The following OGFOD3 variants were observed in gnomAD, a reference collection of about 807,000 sequenced individuals.
The protein encoded by OGFOD3 is 2-oxoglutarate and iron dependent oxygenase domain containing 3.
Under a neutral mutation model 39.8 loss-of-function variants are expected in OGFOD3, and 35 were observed. That is an observed-to-expected ratio of 0.88 (90% CI 0.67 to 1.17). The LOEUF (loss-of-function observed/expected upper bound fraction) is 1.17, where lower values mean the gene tolerates loss of function less well. Ranked by LOEUF, OGFOD3 falls within the 50% of genes most tolerant of loss-of-function variation. The pLI is 0.00. For missense variants in OGFOD3, 438 were observed against 454.5 expected (o/e 0.96, Z 0.33); for synonymous variants, 200 against 192.0 (o/e 1.04, Z -0.34).
intron 8 of OGFOD3, among the ~76,000 whole-genome samples, 179 bp downstream of exon 8, chr17:82,398,017 G>T (rs114221222): frequency 6.6e-6 from 1 of 152,102 alleles, no homozygotes; most frequent in South Asian, 2.1e-4. Flanking sequence ...ATGTGGCCCC[G>T]TAGACACCAG....
rs147443905 is a variant in OGFOD3, at chr17:82,403,996, T to A, written c.640A>T (p.Ile214Leu). The A allele has an allele frequency of 1.9e-6, 3 of 1,611,148 alleles. No individual in the cohort carries two copies. The highest frequency in any genetic ancestry group is 2.5e-6 in the Non-Finnish European group (3 of 1,178,978). Residue 214 changes from isoleucine (I) to leucine (L), a missense_variant, in exon 7 of 9, where the codon ATA becomes TTA. Transcript: ENST00000313056. ...HLTKPTFFSR[I>L]NSTEARTAHD... ...GCCGTCCGCGCTTCCGTGCTGTTTA[T>A]GCGGGAGAAGAAGGTGGGCTTGGTC... is the stretch of plus-strand genomic sequence containing the variant.
At position 82,415,293 on chromosome 17, in the gene OGFOD3, T is replaced by C; in HGVS notation, c.304+105A>G. 8.7e-7 allele frequency: 1 copy of C among 1,153,520 alleles called. No homozygotes were observed. The highest frequency in any genetic ancestry group is 2.4e-5 in the East Asian group (1 of 42,174). 71.5% of individuals were successfully genotyped at this position (1,153,520 alleles called of 1,614,324 possible). A position where few individuals can be genotyped will look rare whatever the true frequency, so the allele number is the denominator to read the frequency against. ...CTGCAGGAGGGGAGAGGTTGTCTGC[T>C]ACCCCCAAGCATACCACATCCAACC... On this transcript the variant is annotated intron_variant, in intron 2 of 8. Transcript: ENST00000313056. The surrounding 1 kb of genome is among the most constrained non-coding windows in gnomAD (Gnocchi z 5.3).
At chr17:82,409,439 GT>G (rs2052909379) in intron 3 of OGFOD3, 29 bp from the exon 4 acceptor site, 7 of 1,610,756 alleles carry the variant, frequency 4.3e-6, no homozygotes, top group African/African-American at 1.3e-5. Flanking sequence ...TCAGAATTTC[GT>G]TGCTAGAATT....
chr17:82,396,255 TATG>T (rs1462121814), intron 8 of OGFOD3, among the ~76,000 whole-genome samples: 2 of 101,034 alleles, frequency 2.0e-5, no homozygotes, highest in Admixed American at 9.0e-5. Context: ...TAGACAGATG[TATG>T]ACATCAAATC....
At chr17:82,416,927 A>G (rs2053060428) in intron 1 of OGFOD3, among the ~76,000 whole-genome samples, 1 of 152,152 alleles carries the variant, frequency 6.6e-6, no homozygotes, top group African/African-American at 2.4e-5. Context: ...TAACCGCCTC[A>G]GCCTCCCAAG....
chr17:82,403,899 TCCACGGGCACGCTCACCCTGC>T lies in OGFOD3; in HGVS notation c.699+17_699+37del, dbSNP rs1272198600. 7.7e-6 allele frequency: 12 copies of T among 1,554,636 alleles called. No individual in the cohort carries two copies. The highest frequency in any genetic ancestry group is 1.9e-4 in the Middle Eastern group (1 of 5,194). On this transcript the variant is annotated intron_variant, in intron 7 of 8. Coordinates refer to ENST00000313056, the MANE Select transcript of OGFOD3 (RefSeq NM_024648.3). ...CGTGCCCACGGGCACGCTCACCTTG[TCCACGGGCACGCTCACCCTGC>T]CCACGGGCGCGCTCACCTTGTCCAC... is the stretch of plus-strand genomic sequence containing the variant.
rs1452066830 is a variant in OGFOD3 at position 82,404,286 on chromosome 17, C to G, written c.546-196G>C. Among the ~76,000 whole-genome samples the G allele has an allele frequency of 6.6e-6, 1 of 152,190 alleles. No homozygotes were observed. The highest frequency in any genetic ancestry group is 2.4e-5 in the African/African-American group (1 of 41,450). Reference sequence around the variant, plus strand: ...GGCCCACAGCCCACGCACAGAGCAGCCAGAGGCAGGCGCAAGACCACAGCA... The same window carrying G: ...GGCCCACAGCCCACGCACAGAGCAGGCAGAGGCAGGCGCAAGACCACAGCA... On this transcript the variant is annotated intron_variant, in intron 6 of 8. Coordinates refer to ENST00000313056, the MANE Select transcript of OGFOD3 (RefSeq NM_024648.3). This position sits in a 1 kb window ranked among gnomAD's most constrained non-coding sequence, Gnocchi z 4.5.
chr17:82,417,388 G>A (rs2053076984), intron 1 of OGFOD3: 1 of 152,170 alleles, frequency 6.6e-6, no homozygotes, highest in Non-Finnish European at 1.5e-5. Context: ...GGAGGCTGAG[G>A]CGGGCGGATT....
At chr17:82,410,402 A>T (rs1163561266) in intron 3 of OGFOD3, among the ~76,000 whole-genome samples, 1 of 152,228 alleles carries the variant, frequency 6.6e-6, no homozygotes, top group Non-Finnish European at 1.5e-5. Context: ...TTCTTTTAAG[A>T]TCTCAGTAAG....
At position 82,406,312 on chromosome 17, in the gene OGFOD3, G is replaced by A. The variant is rs1211084024; in HGVS notation, c.488+106C>T. ...TGAGGCCCTGAGGCTGCACCGAGCC[G>A]GATCCTCCCTCACATGTCCACGTGT... On this transcript the variant is annotated intron_variant, in intron 5 of 8. Transcript: ENST00000313056. The surrounding 1 kb of genome is among the most constrained non-coding windows in gnomAD (Gnocchi z 5.2). 2.2e-5 allele frequency: 23 copies of A among 1,061,700 alleles called. No homozygotes were observed. Among genetic ancestry groups the A allele is most frequent in the African/African-American group, 9.3e-5 (6 of 64,236 alleles). 65.8% of individuals were successfully genotyped at this position (1,061,700 alleles called of 1,614,324 possible).
chr17:82,401,803 C>CAAAAAAAAAAAAAAAAACA (rs2052768610), intron 7 of OGFOD3, among the ~76,000 whole-genome samples: 3 of 61,698 alleles, frequency 4.9e-5, no homozygotes, highest in African/African-American at 2.5e-4. Context: ...GACTCCATCT[C>CAAAAAAAAAAAAAAAAACA]AAAAAAAAAA....
At chr17:82,397,725 G>A (rs541301185) in intron 8 of OGFOD3, among the ~76,000 whole-genome samples, 22 of 152,232 alleles carry the variant, frequency 1.4e-4, no homozygotes, top group East Asian at 7.7e-4. Flanking sequence ...AAGGTCCAGT[G>A]TGATGGGTTC....
At position 82,392,468 on chromosome 17, in the gene OGFOD3, G is replaced by A; in HGVS notation, c.890C>T (p.Thr297Ile). The change falls in exon 9 of 9, where the codon ACC becomes ATC. Residue 297 changes from threonine (T) to isoleucine (I), a missense_variant. Physicochemically the swap from Thr to Ile is moderately conservative, Grantham distance 89. Transcript: ENST00000313056. The surrounding 1 kb of genome is among the most constrained non-coding windows in gnomAD (Gnocchi z 4.2). ...GAAGGCGATGGTGATGGCGTAACGG[G>A]TGCCCCAGTGGACCTTCTCCACGCG... ...LHRVEKVHWG[T>I]RYAITIAFSC... 6.2e-7 allele frequency: 1 copy of A among 1,611,548 alleles called. No individual in the cohort carries two copies. Among genetic ancestry groups the A allele is most frequent in the Non-Finnish European group, 8.5e-7 (1 of 1,179,154 alleles).
Position 82,394,528 on chromosome 17 carries a change from C to T in OGFOD3, c.824-1994G>A, listed in dbSNP as rs373893804. On this transcript the variant is annotated intron_variant, in intron 8 of 8. Transcript: ENST00000313056. The stretch of plus-strand genomic sequence containing the variant: ...TTCTTGGAACCCACAAGACATCATC[C>T]GGAAACAAAAACATCCTGGGGACAC... 18 of 1,610,862 alleles carry T rather than the reference C, an allele frequency of 1.1e-5. No individual in the cohort carries two copies. The highest frequency in any genetic ancestry group is 1.6e-4 in the Middle Eastern group (1 of 6,068).
At chr17:82,411,049 C>CTT (rs758650372) in intron 3 of OGFOD3, among the ~76,000 whole-genome samples, 2 of 136,168 alleles carry the variant, frequency 1.5e-5, no homozygotes, top group African/African-American at 2.7e-5. Flanking sequence ...ATAATAAAAT[C>CTT]TTTTTTTTTT....
In OGFOD3 at chr17:82,392,412, G is replaced by C; in HGVS notation, c.946C>G (p.Pro316Ala). 2 of 1,611,832 alleles carry C rather than the reference G, an allele frequency of 1.2e-6. No individual in the cohort carries two copies. The highest frequency in any genetic ancestry group is 1.7e-6 in the Non-Finnish European group (2 of 1,179,504). Residue 316 changes from proline to alanine, a missense_variant, in exon 9 of 9, where the codon CCA becomes GCA. Pro to Ala is a conservative substitution (Grantham distance 27). Transcript: ENST00000313056. The surrounding 1 kb of genome is among the most constrained non-coding windows in gnomAD (Gnocchi z 4.2). The part of the protein sequence containing the change: ...SCNPDHGIED[P>A]AFP ...CCGGCTGCTGGCTACGGGAACGCTGGGTCCTCGATGCCATGGTCGGGGTTG... is the reference window on the plus strand; with the variant it reads ...CCGGCTGCTGGCTACGGGAACGCTGCGTCCTCGATGCCATGGTCGGGGTTG...
At chr17:82,398,146 G>C in intron 8 of OGFOD3, 50 bp downstream of exon 8, 1 of 1,610,688 alleles carries the variant, frequency 6.2e-7, no homozygotes, top group African/African-American at 1.3e-5. Context: ...CACCCACCGT[G>C]CTTGCCTGAG....
chr17:82,418,295 C>CCCCCCCCCA lies in OGFOD3; in HGVS notation c.74+108_74+116dup, dbSNP rs1280516979. On this transcript the variant is annotated intron_variant, in intron 1 of 8. Transcript: ENST00000313056. ...CCCCGCGGCAGACCACGCCCACCTG[C>CCCCCCCCCA]CCCCCCCCACCCCCCCACCCGGGTC... 9.4e-5 allele frequency: 4 copies of CCCCCCCCCA among 42,756 alleles called. No individual in the cohort carries two copies. The African/African-American group carries it at 9.5e-4, about 10-fold the overall frequency. 2.6% of individuals were successfully genotyped at this position (42,756 alleles called of 1,614,324 possible).
At chr17:82,397,498 GTT>G (rs1005445139) in intron 8 of OGFOD3, among the ~76,000 whole-genome samples, 10 of 151,998 alleles carry the variant, frequency 6.6e-5, no homozygotes, top group African/African-American at 2.4e-4. Context: ...GCCTATGCGA[GTT>G]TCGGCTGCAT....
Sources: allele counts gnomAD v4.1 joint callset (sites outside exome capture counted in the v4.1 genomes callset), GRCh38; gene constraint gnomAD v4.1.1; non-coding constraint Gnocchi (gnomAD v3.1); transcripts MANE v1.5; gene names NCBI Gene and HGNC (gene_info 2026-07-23, HGNC 2026-07-21).